The following PTPRU variants were observed in gnomAD, a reference collection of about 807,000 sequenced individuals.
PTPRU encodes the protein receptor-type tyrosine-protein phosphatase U.
Under a neutral mutation model 166.3 loss-of-function variants are expected in PTPRU, and 69 were observed. The observed-to-expected ratio is 0.41, with a 90% CI of 0.34 to 0.51. The LOEUF is 0.51. Among genes scored for constraint, PTPRU ranks in the 20% least tolerant of loss-of-function variants. PTPRU has a pLI of 0.09. For synonymous variants in PTPRU, 793 were observed against 814.0 expected (o/e 0.97, Z 0.44); for missense variants, 1,657 against 2,013.7 (o/e 0.82, Z 3.39).
intron 15 of PTPRU, among the ~76,000 whole-genome samples, chr1:29,301,915 A>G (rs996604544): frequency 3.3e-5 from 5 of 152,162 alleles, no homozygotes; most frequent in African/African-American, 7.2e-5. Flanking sequence ...ACATGGACTC[A>G]TCCTTTTTTA....
intron 7 of PTPRU, among the ~76,000 whole-genome samples, chr1:29,275,149 A>G (rs1280454929): frequency 1.3e-5 from 2 of 151,806 alleles, no homozygotes; most frequent in Non-Finnish European, 1.5e-5. Context: ...CAATGATCCT[A>G]TGAGGCAGGG....
intron 15 of PTPRU, among the ~76,000 whole-genome samples, chr1:29,298,199 A>C (rs1454498687): frequency 6.6e-6 from 1 of 151,194 alleles, no homozygotes. Context: ...CAGAGGTTGC[A>C]GTGAGCCGAG....
At chr1:29,273,194 G>A (rs925089217) in intron 7 of PTPRU, among the ~76,000 whole-genome samples, 2 of 152,176 alleles carry the variant, frequency 1.3e-5, no homozygotes, top group Non-Finnish European at 2.9e-5. Context: ...CACACAGCTG[G>A]TCAATGCAGA....
Position 29,305,430 on chromosome 1 carries a change from T to G in PTPRU, c.2820+2T>G. 6.2e-7 allele frequency: 1 copy of G among 1,613,400 alleles called. No individual in the cohort carries two copies. The highest frequency in any genetic ancestry group is 8.5e-7 in the Non-Finnish European group (1 of 1,179,632). ...TACATTAATGCCAACTACATAGATG[T>G]GAGTGCCTTGCCCTGTCATTTCTGC... is the stretch of plus-strand genomic sequence containing the variant. On this transcript the variant is annotated splice_donor_variant, in intron 18 of 29. Transcript: ENST00000373779. LOFTEE classifies it high-confidence loss of function.
intron 28 of PTPRU, 129 bp from the exon 29 acceptor site, chr1:29,325,062 C>G (rs1292185541): frequency 2.4e-5 from 31 of 1,293,086 alleles, no homozygotes; most frequent in Non-Finnish European, 2.4e-5. Context: ...CTCTCTGCCC[C>G]ACCCTTCTAG....
At chr1:29,254,226 C>T (rs1378217090) in intron 1 of PTPRU, among the ~76,000 whole-genome samples, 2 of 152,196 alleles carry the variant, frequency 1.3e-5, no homozygotes, top group Non-Finnish European at 2.9e-5. Context: ...CCTGATGGGG[C>T]TCCAAACACT....
intron 1 of PTPRU, among the ~76,000 whole-genome samples, chr1:29,242,891 G>A (rs527690617): frequency 2.6e-5 from 4 of 151,604 alleles, no homozygotes; most frequent in Admixed American, 6.6e-5. Flanking sequence ...CTGCCATCAC[G>A]CTCTCGGTTT....
intron 14 of PTPRU, among the ~76,000 whole-genome samples, chr1:29,290,638 G>A (rs1224712414): frequency 1.3e-5 from 2 of 152,308 alleles, no homozygotes; most frequent in East Asian, 3.9e-4. Flanking sequence ...TTCCTGACAC[G>A]AGCTTTTCCA....
Position 29,320,501 on chromosome 1 carries a change from C to T in PTPRU, c.3688-184C>T. ...CTTGGTCCCCAGAGGCCTGGGCCCA[C>T]CCTGTCAACCCAGGCCTCAGTGTGC... On this transcript the variant is annotated intron_variant, in intron 25 of 29. Coordinates refer to ENST00000373779, the MANE Select transcript of PTPRU (RefSeq NM_133178.4). The surrounding 1 kb of genome is among the most constrained non-coding windows in gnomAD (Gnocchi z 5.2). 1 of 582,958 alleles carries T rather than the reference C, an allele frequency of 1.7e-6. No individual in the cohort carries two copies. Among genetic ancestry groups the T allele is most frequent in the Non-Finnish European group, 2.7e-6 (1 of 374,016 alleles). The allele number at this position is 582,958 out of a possible 1,614,324, so 36.1% of individuals were successfully genotyped here. A position where few individuals can be genotyped will look rare whatever the true frequency, so the allele number is the denominator to read the frequency against.
intron 7 of PTPRU, among the ~76,000 whole-genome samples, chr1:29,265,610 G>A (rs1685266801): frequency 1.3e-5 from 2 of 151,974 alleles, no homozygotes; most frequent in South Asian, 2.1e-4. Flanking sequence ...TGTTCTGCCC[G>A]CCTCAGCCTC....
In PTPRU at chr1:29,315,344, A is replaced by T; in HGVS notation, c.3228-28A>T. The T allele has an allele frequency of 1.2e-6, 2 of 1,613,646 alleles. No individual in the cohort carries two copies. Among genetic ancestry groups the T allele is most frequent in the Non-Finnish European group, 1.7e-6 (2 of 1,179,986 alleles). On this transcript the variant is annotated intron_variant, in intron 22 of 29. Coordinates refer to ENST00000373779, the MANE Select transcript of PTPRU (RefSeq NM_133178.4). The surrounding 1 kb of genome is among the most constrained non-coding windows in gnomAD (Gnocchi z 4.5). ...CCCGGGCTTCCTCCCCAAAGCTCTG[A>T]CCTGGTCTGGGGCTGCTCTCTCTCC...
At chr1:29,292,815 G>GTT (rs774242717) in intron 15 of PTPRU, among the ~76,000 whole-genome samples, 22,005 of 132,786 alleles carry the variant, frequency 0.17, 2,680 homozygotes, top group East Asian at 0.57. Flanking sequence ...AAATTGTTGT[G>GTT]TTTTTTTTTT....
In PTPRU at chr1:29,259,536, C is replaced by G. The variant is rs772758454; in HGVS notation, c.647C>G (p.Ala216Gly). The G allele has an allele frequency of 7.4e-7, 1 of 1,353,780 alleles. No homozygotes were observed. Among genetic ancestry groups the G allele is most frequent in the East Asian group, 4.7e-5 (1 of 21,480 alleles). The allele number at this position is 1,353,780 out of a possible 1,614,324, so 83.9% of individuals were successfully genotyped here. A position where few individuals can be genotyped will look rare whatever the true frequency, so the allele number is the denominator to read the frequency against. Residue 216 changes from alanine to glycine, a missense_variant, in exon 5 of 30, where the codon GCG (alanine) becomes GGG (glycine). This residue lies in a region of PTPRU where 453 missense variants were observed against 496.9 expected (regional missense o/e 0.91). Transcript: ENST00000373779. Reference sequence around the variant, plus strand: ...TTCCAGTGCATGGCCGCGGGCAGAGCGGCCGAGGCCGAACGCTTCCTCTTG... The same window carrying G: ...TTCCAGTGCATGGCCGCGGGCAGAGGGGCCGAGGCCGAACGCTTCCTCTTG... ...ASFQCMAAGR[A>G]AEAERFLLQR...
chr1:29,314,738 C>T (rs1216433053), intron 22 of PTPRU, among the ~76,000 whole-genome samples: 1 of 152,054 alleles, frequency 6.6e-6, no homozygotes, highest in South Asian at 2.1e-4. Flanking sequence ...CCACCACACC[C>T]GGCTATTTTT....
In PTPRU at chr1:29,238,739, G is replaced by T. The variant is rs1322261325; in HGVS notation, c.73+2022G>T. Among the ~76,000 whole-genome samples, 1 of 151,530 alleles carries T rather than the reference G, an allele frequency of 6.6e-6. No homozygotes were observed. Among genetic ancestry groups the T allele is most frequent in the South Asian group, 2.1e-4 (1 of 4,788 alleles). On this transcript the variant is annotated intron_variant, in intron 1 of 29. Coordinates refer to ENST00000373779, the MANE Select transcript of PTPRU (RefSeq NM_133178.4). This position sits in a 1 kb window ranked among gnomAD's most constrained non-coding sequence, Gnocchi z 6.1. ...GGCAACTTTGCCTCCCTCTCCCACC[G>T]TGAAATCAAACCCGCGGGGTTCTGT...
At chr1:29,316,228 A>T in intron 24 of PTPRU, 77 bp downstream of exon 24, 2 of 1,484,054 alleles carry the variant, frequency 1.3e-6, no homozygotes. Context: ...ATACTGCAGG[A>T]GTCATTGAGG....
chr1:29,302,835 C>T (rs549999452), intron 15 of PTPRU, among the ~76,000 whole-genome samples: 69 of 152,182 alleles, frequency 4.5e-4, no homozygotes, highest in Non-Finnish European at 9.1e-4. Flanking sequence ...AGGTTTGAGC[C>T]ACCACACCCG....
In PTPRU at chr1:29,280,916, C is replaced by T. The variant is rs1388531865; in HGVS notation, c.1868+775C>T. ...CATGGGTATTATTACCTTCATTTTA[C>T]ATATCGGGAAACTGACTCAGAGCCT... On this transcript the variant is annotated intron_variant, in intron 11 of 29. Coordinates refer to ENST00000373779, the MANE Select transcript of PTPRU (RefSeq NM_133178.4). The surrounding 1 kb of genome is among the most constrained non-coding windows in gnomAD (Gnocchi z 4.2). Among the ~76,000 whole-genome samples the T allele has an allele frequency of 1.3e-5, 2 of 152,186 alleles. No individual in the cohort carries two copies. Among genetic ancestry groups the T allele is most frequent in the African/African-American group, 2.4e-5 (1 of 41,444 alleles).
chr1:29,261,536 A>G (rs953667738), intron 7 of PTPRU, among the ~76,000 whole-genome samples: 19 of 152,084 alleles, frequency 1.2e-4, no homozygotes, highest in Admixed American at 9.8e-4. Flanking sequence ...TGTTGTTATT[A>G]TTTTTCCTTT....
Sources: gnomAD v4.1 joint callset for allele counts (sites outside exome capture counted in the v4.1 genomes callset) on GRCh38, gnomAD v4.1.1 for gene constraint, gnomAD v4.1.1 regional missense constraint, Gnocchi (gnomAD v3.1) non-coding constraint, MANE v1.5 for transcripts, NCBI Gene and HGNC (gene_info 2026-07-23, HGNC 2026-07-21) for gene names.